The following ATAD1 variants were observed in gnomAD, a reference collection of about 807,000 sequenced individuals.
ATAD1 encodes ATPase family AAA domain containing 1.
In ATAD1, 18 loss-of-function variants were observed where a neutral mutation model predicts 42.7. The ratio of observed to expected loss-of-function variants is 0.42; its 90% confidence interval spans 0.29 to 0.63. ATAD1 has a LOEUF of 0.63. ATAD1 is among the 20% of genes least tolerant of loss of function. The pLI is 0.19. For missense variants in ATAD1, 294 were observed against 440.4 expected (o/e 0.67, Z 2.98); for synonymous variants, 132 against 143.1 (o/e 0.92, Z 0.55).
At chr10:87,837,256 G>T (rs1413504334) in intron 1 of ATAD1, among the ~76,000 whole-genome samples, 1 of 152,186 alleles carries the variant, frequency 6.6e-6, no homozygotes, top group Non-Finnish European at 1.5e-5. Context: ...TCTGGGTTTT[G>T]TTTAAATCAT....
At chr10:87,839,393 T>C (rs1251177826) in intron 1 of ATAD1, among the ~76,000 whole-genome samples, 2 of 152,214 alleles carry the variant, frequency 1.3e-5, no homozygotes, top group Non-Finnish European at 2.9e-5. Flanking sequence ...TTCTTTCACA[T>C]ACATCCTGTT....
chr10:87,754,501 G>C lies in ATAD1; in HGVS notation c.*186C>G, dbSNP rs186458352. On this transcript the variant is annotated 3_prime_UTR_variant, in exon 10 of 10. Transcript: ENST00000680024. The stretch of plus-strand genomic sequence containing the variant: ...GCTGGATTCAACTGTTCCTCCTCAT[G>C]ATTTTTGACCAACAGTAATACCACC... The C allele has an allele frequency of 1.0e-5, 6 of 587,586 alleles. No homozygotes were observed. The Admixed American group carries it at 1.9e-4, about 19-fold the overall frequency. 36.4% of individuals were successfully genotyped at this position (587,586 alleles called of 1,614,324 possible).
intron 2 of ATAD1, among the ~76,000 whole-genome samples, chr10:87,808,442 T>C (rs1007074007): frequency 6.6e-6 from 1 of 151,966 alleles, no homozygotes; most frequent in East Asian, 1.9e-4. Flanking sequence ...TTTTAGTAAA[T>C]GCATTTTATC....
chr10:87,808,491 A>T (rs530767138), intron 2 of ATAD1, among the ~76,000 whole-genome samples: 1 of 152,344 alleles, frequency 6.6e-6, no homozygotes, highest in Admixed American at 6.5e-5. Flanking sequence ...CAGAGGTTGC[A>T]GTGAGCCAAA....
chr10:87,763,593 A>G (rs1436720748), intron 8 of ATAD1, among the ~76,000 whole-genome samples: 1 of 152,148 alleles, frequency 6.6e-6, no homozygotes, highest in Non-Finnish European at 1.5e-5. Flanking sequence ...GGATCACTTG[A>G]GCCCAGGAGA....
In ATAD1 at chr10:87,753,832, G is replaced by A. The variant is rs541763947; in HGVS notation, c.*855C>T. ...CATTAAATGAAAAAAGGAAAGAAAT[G>A]TACATGTATTAAAGGGTACTGAGGT... On this transcript the variant is annotated 3_prime_UTR_variant, in exon 10 of 10. Transcript: ENST00000680024. The A allele has an allele frequency of 6.6e-6, 1 of 152,602 alleles. No individual in the cohort carries two copies. The highest frequency in any genetic ancestry group is 2.1e-4 in the South Asian group (1 of 4,822). 9.5% of individuals were successfully genotyped at this position (152,602 alleles called of 1,614,324 possible). A position where few individuals can be genotyped will look rare whatever the true frequency, so the allele number is the denominator to read the frequency against.
At chr10:87,795,313 A>T (rs1276046299) in intron 2 of ATAD1, among the ~76,000 whole-genome samples, 2 of 152,162 alleles carry the variant, frequency 1.3e-5, no homozygotes, top group African/African-American at 4.8e-5. Context: ...GAAGTTATAC[A>T]ATTGCCTAGT....
rs749971953 is a variant in ATAD1 at position 87,784,450 on chromosome 10, A to C, written c.583+20T>G. ...CTAAAAATGGCCTTTAAAAATACTCATATAGAAAACATAGCATACCTATTT... is the reference window on the plus strand; with the variant it reads ...CTAAAAATGGCCTTTAAAAATACTCCTATAGAAAACATAGCATACCTATTT... On this transcript the variant is annotated intron_variant, in intron 5 of 9. Coordinates refer to ENST00000680024, the MANE Select transcript of ATAD1 (RefSeq NM_001321967.2). The C allele has an allele frequency of 2.9e-5, 46 of 1,607,520 alleles. No homozygotes were observed. Among genetic ancestry groups the C allele is most frequent in the Non-Finnish European group, 3.8e-5 (45 of 1,175,586 alleles).
intron 1 of ATAD1, 121 bp from the exon 2 acceptor site, chr10:87,814,733 T>C (rs1362988760): frequency 1.4e-6 from 1 of 714,818 alleles, no homozygotes; most frequent in Non-Finnish European, 1.9e-6. Context: ...AAATATTACC[T>C]ACCTTAAAAA....
chr10:87,839,239 C>A (rs1857985931), intron 1 of ATAD1, among the ~76,000 whole-genome samples: 1 of 152,182 alleles, frequency 6.6e-6, no homozygotes, highest in African/African-American at 2.4e-5. Flanking sequence ...GGTCTTCAGT[C>A]ACCTTGACTA....
chr10:87,816,192 C>G (rs1857407481), intron 1 of ATAD1, among the ~76,000 whole-genome samples: 1 of 152,088 alleles, frequency 6.6e-6, no homozygotes, highest in Admixed American at 6.5e-5. Context: ...ACACACAAAA[C>G]AGACGTTTAT....
intron 2 of ATAD1, among the ~76,000 whole-genome samples, chr10:87,809,930 G>C (rs1260226337): frequency 6.6e-6 from 1 of 152,120 alleles, no homozygotes; most frequent in African/African-American, 2.4e-5. Context: ...ACAGGTGTAA[G>C]CCACCGTGCC....
intron 1 of ATAD1, among the ~76,000 whole-genome samples, chr10:87,833,518 G>A (rs1857872041): frequency 6.6e-6 from 1 of 152,076 alleles, no homozygotes; most frequent in Non-Finnish European, 1.5e-5. Context: ...TAGCAATGGT[G>A]AGTGAAGACA....
chr10:87,805,112 T>C lies in ATAD1; in HGVS notation c.162+9326A>G, dbSNP rs1198434460. ...TTAAAATCACATGGGGCCCACTGAT[T>C]ATCTGGTATACTCAAAGTGTTCTAC... On this transcript the variant is annotated intron_variant, in intron 2 of 9. Coordinates refer to ENST00000680024, the MANE Select transcript of ATAD1 (RefSeq NM_001321967.2). Among the ~76,000 whole-genome samples the C allele has an allele frequency of 2.6e-5, 4 of 152,232 alleles. No homozygotes were observed. In the South Asian group the frequency reaches 8.3e-4, roughly 32 times the overall value.
chr10:87,757,614 G>A lies in ATAD1; in HGVS notation c.832-692C>T, dbSNP rs538891400. ...TTTCATTTTCAGATAAGAATCATGAGACCTGGACAGGTAAACACGGTCAGA... is the reference window on the plus strand; with the variant it reads ...TTTCATTTTCAGATAAGAATCATGAAACCTGGACAGGTAAACACGGTCAGA... On this transcript the variant is annotated intron_variant, in intron 8 of 9. Transcript: ENST00000680024. Among the ~76,000 whole-genome samples, 126 of 152,242 alleles carry A rather than the reference G, an allele frequency of 8.3e-4. No individual in the cohort carries two copies. In the Middle Eastern group the frequency reaches 0.02, roughly 25 times the overall value.
chr10:87,824,690 A>G (rs1488078632), intron 1 of ATAD1, among the ~76,000 whole-genome samples: 1 of 152,174 alleles, frequency 6.6e-6, no homozygotes, highest in Admixed American at 6.5e-5. Flanking sequence ...ATCTTTTCAT[A>G]TCTCCTCTGT....
intron 2 of ATAD1, among the ~76,000 whole-genome samples, chr10:87,804,074 A>C (rs1011829751): frequency 6.6e-5 from 10 of 152,246 alleles, no homozygotes; most frequent in Non-Finnish European, 8.8e-5. Flanking sequence ...AACAAATGTT[A>C]GCTCTTCCAA....
intron 1 of ATAD1, among the ~76,000 whole-genome samples, chr10:87,840,052 AG>A (rs1245596740): frequency 1.3e-5 from 2 of 152,186 alleles, no homozygotes; most frequent in Non-Finnish European, 2.9e-5. Context: ...AAAATACTGT[AG>A]TTTTTCTCTC....
chr10:87,809,869 C>T (rs1289892701), intron 2 of ATAD1, among the ~76,000 whole-genome samples: 1 of 152,050 alleles, frequency 6.6e-6, no homozygotes, highest in African/African-American at 2.4e-5. Context: ...TGGTCTCAAA[C>T]TCCTGACCTC....
Sources: gnomAD v4.1 joint callset for allele counts (sites outside exome capture counted in the v4.1 genomes callset) on GRCh38, gnomAD v4.1.1 for gene constraint, MANE v1.5 for transcripts, NCBI Gene and HGNC (gene_info 2026-07-23, HGNC 2026-07-21) for gene names.